Variants in KCNN2 observed in about 807,000 individuals in gnomAD.
The protein encoded by KCNN2 is small conductance calcium-activated potassium channel protein 2.
Under a neutral mutation model 55.5 loss-of-function variants are expected in KCNN2, and 24 were observed. That is an observed-to-expected ratio of 0.43 (90% CI 0.31 to 0.61). KCNN2 has a LOEUF of 0.61. KCNN2 is among the 20% of genes least tolerant of loss of function. The probability of loss-of-function intolerance (pLI) is 0.08; values close to 1 mark genes in which losing one functional copy is unlikely to be tolerated. For synonymous variants in KCNN2, 431 were observed against 336.1 expected (o/e 1.28, Z -3.09); for missense variants, 754 against 853.6 (o/e 0.88, Z 1.45).
chr5:114,137,070 C>T (rs62381853), intron 1 of KCNN2, among the ~76,000 whole-genome samples: 8,406 of 152,140 alleles, frequency 0.055, 297 homozygotes, highest in Middle Eastern at 0.11. Flanking sequence ...TCTAAAATAT[C>T]TAGTATAGTG....
intron 2 of KCNN2, among the ~76,000 whole-genome samples, chr5:114,348,167 A>G (rs1757146708): frequency 6.6e-6 from 1 of 151,946 alleles, no homozygotes; most frequent in African/African-American, 2.4e-5. Context: ...AAACCTCTAC[A>G]AAAGGCTCGG....
intron 2 of KCNN2, among the ~76,000 whole-genome samples, chr5:114,317,387 T>C (rs1756521809): frequency 6.6e-6 from 1 of 152,194 alleles, no homozygotes. Flanking sequence ...ACAAGGTAAC[T>C]TTGACTTCAG....
intron 2 of KCNN2, among the ~76,000 whole-genome samples, chr5:114,294,149 G>T (rs1376201968): frequency 2.0e-5 from 3 of 152,036 alleles, no homozygotes; most frequent in Non-Finnish European, 4.4e-5. Flanking sequence ...AACAGCTCCT[G>T]GATGCATTAA....
At chr5:114,306,652 C>T (rs896611725) in intron 2 of KCNN2, among the ~76,000 whole-genome samples, 1 of 151,448 alleles carries the variant, frequency 6.6e-6, no homozygotes, top group African/African-American at 2.4e-5. Context: ...GGCAGAAGTA[C>T]CTTTACTACC....
In KCNN2 at chr5:114,220,825, CAA is replaced by C. The variant is rs11311434; in HGVS notation, c.-270-636_-270-635del. 8.8e-3 allele frequency among the ~76,000 whole-genome samples: 811 copies of C among 91,840 alleles called. 4 individuals carry two copies. The highest frequency in any genetic ancestry group is 0.012 in the Non-Finnish European group (540 of 43,768). The allele number at this position is 91,840 out of a possible 152,430, so 60.3% of individuals were successfully genotyped here. ...TGCCTGACAGAGCTAGACTCCATCT[CAA>C]AAAAAAAAAAAAAAAAAAGTTAAAG... On this transcript the variant is annotated intron_variant, in intron 1 of 10. Transcript: ENST00000512097.
intron 1 of KCNN2, among the ~76,000 whole-genome samples, chr5:114,119,336 A>T (rs1751781343): frequency 1.3e-5 from 2 of 152,224 alleles, no homozygotes; most frequent in African/African-American, 2.4e-5. Context: ...AGTCTGATAA[A>T]TTAGGGAAGT....
At chr5:114,454,271 C>T (rs1760820431) in intron 3 of KCNN2, among the ~76,000 whole-genome samples, 1 of 152,106 alleles carries the variant, frequency 6.6e-6, no homozygotes, top group African/African-American at 2.4e-5. Context: ...GTTCTGTTTC[C>T]TCCCTTCCCT....
At position 114,120,275 on chromosome 5, in the gene KCNN2, C is replaced by G. The variant is rs546461667; in HGVS notation, c.-271+63775C>G. On this transcript the variant is annotated intron_variant, in intron 1 of 10. Transcript: ENST00000512097. ...GTGGAGGAAGTTAATTTAGCACTGCCGCAGTAGTCCTGGTTGTCTCCTATT... is the reference window on the plus strand; with the variant it reads ...GTGGAGGAAGTTAATTTAGCACTGCGGCAGTAGTCCTGGTTGTCTCCTATT... Among the ~76,000 whole-genome samples the G allele has an allele frequency of 1.1e-4, 16 of 152,174 alleles. No homozygotes were observed. In the East Asian group the frequency reaches 1.9e-3, roughly 18 times the overall value.
At chr5:114,281,837 C>G (rs1755631640) in intron 2 of KCNN2, among the ~76,000 whole-genome samples, 1 of 151,932 alleles carries the variant, frequency 6.6e-6, no homozygotes, top group Non-Finnish European at 1.5e-5. Context: ...TGTCTATGGT[C>G]AAGGTTGTAA....
chr5:114,290,613 G>C (rs1755866568), intron 2 of KCNN2, among the ~76,000 whole-genome samples: 1 of 151,388 alleles, frequency 6.6e-6, no homozygotes, highest in South Asian at 2.1e-4. Flanking sequence ...CTTTCTTCCT[G>C]TTAGCTTTGT....
intron 1 of KCNN2, among the ~76,000 whole-genome samples, chr5:114,159,575 A>G (rs912216421): frequency 5.3e-5 from 8 of 152,184 alleles, no homozygotes; most frequent in African/African-American, 1.9e-4. Context: ...TTCTGAAGGA[A>G]TGGTACCAGT....
rs148332869 is a variant in KCNN2 at position 114,341,312 on chromosome 5, A to G, written c.-184-19633A>G. The stretch of plus-strand genomic sequence containing the variant: ...GGTACATAGATACTAAATTCATGGA[A>G]GAAGGATGTGGATCAGGAGTTCAGT... On this transcript the variant is annotated intron_variant, in intron 2 of 10. Coordinates refer to the KCNN2 transcript ENST00000512097. Among the ~76,000 whole-genome samples the G allele has an allele frequency of 1.8e-3, 278 of 152,336 alleles. 1 individual carries two copies. The highest frequency in any genetic ancestry group is 6.5e-3 in the African/African-American group (269 of 41,582).
intron 1 of KCNN2, among the ~76,000 whole-genome samples, chr5:114,141,481 A>G (rs868273799): frequency 1.3e-5 from 2 of 152,062 alleles, no homozygotes; most frequent in African/African-American, 4.8e-5. Flanking sequence ...TTATGACTGC[A>G]TAGTATTCCA....
At chr5:114,357,031 A>G (rs1191023659) in intron 2 of KCNN2, among the ~76,000 whole-genome samples, 3 of 152,080 alleles carry the variant, frequency 2.0e-5, no homozygotes, top group East Asian at 3.9e-4. Context: ...ACCCAGGCAA[A>G]GAAAAAAATA....
intron 1 of KCNN2, among the ~76,000 whole-genome samples, chr5:114,136,660 CAG>C (rs1263028942): frequency 6.6e-6 from 1 of 151,986 alleles, no homozygotes; most frequent in African/African-American, 2.4e-5. Context: ...AAATTGAAAA[CAG>C]AAATGGCATG....
chr5:114,397,321 C>T (rs1163361476), intron 2 of KCNN2, among the ~76,000 whole-genome samples: 5 of 152,178 alleles, frequency 3.3e-5, no homozygotes, highest in Non-Finnish European at 7.3e-5. Context: ...AATGGCTGAA[C>T]TCATTTACAT....
chr5:114,188,000 G>C (rs1190181639), intron 1 of KCNN2, among the ~76,000 whole-genome samples: 3 of 151,608 alleles, frequency 2.0e-5, no homozygotes, highest in Admixed American at 6.6e-5. Context: ...TTTTAGTAGA[G>C]ATGGGTTTCT....
At chr5:114,060,051 A>T (rs1294650998) in intron 1 of KCNN2, among the ~76,000 whole-genome samples, 2 of 152,262 alleles carry the variant, frequency 1.3e-5, no homozygotes, top group Non-Finnish European at 2.9e-5. Flanking sequence ...CTAGCCCCAC[A>T]GTACCTCAGG....
At chr5:114,127,258 C>T (rs866552366) in intron 1 of KCNN2, among the ~76,000 whole-genome samples, 2 of 152,296 alleles carry the variant, frequency 1.3e-5, no homozygotes, top group East Asian at 3.9e-4. Flanking sequence ...TTTCCTTCTG[C>T]ACTGCCCTGG....
Sources: gnomAD v4.1 joint callset for allele counts (sites outside exome capture counted in the v4.1 genomes callset) on GRCh38, gnomAD v4.1.1 for gene constraint, MANE v1.5 for transcripts, NCBI Gene and HGNC (gene_info 2026-07-23, HGNC 2026-07-21) for gene names.